ANKRD62: variants seen among roughly 807,000 people sequenced by gnomAD.
ANKRD62 encodes ankyrin repeat domain-containing protein 62.
A neutral mutation model predicts 98.8 loss-of-function variants in ANKRD62; 61 were observed. The ratio of observed to expected loss-of-function variants is 0.62; its 90% confidence interval spans 0.50 to 0.76. The LOEUF is 0.76. Among genes scored for constraint, ANKRD62 ranks in the 30% least tolerant of loss-of-function variants. ANKRD62 has a pLI of 0.00. For synonymous variants in ANKRD62, 341 were observed against 367.9 expected (o/e 0.93, Z 0.84); for missense variants, 933 against 1,082.9 (o/e 0.86, Z 1.94).
chr18:12,138,389 G>T, the ANKRD62 span, among the ~76,000 whole-genome samples: 2 of 152,190 alleles, frequency 1.3e-5, no homozygotes, highest in Non-Finnish European at 2.9e-5. Flanking sequence ...GTTCTAGTTT[G>T]ATTGCACTGT....
chr18:12,153,284 A>G, the ANKRD62 span, among the ~76,000 whole-genome samples: 153 of 152,266 alleles, frequency 1.0e-3, no homozygotes, highest in African/African-American at 3.5e-3. Context: ...TACTAATGAT[A>G]TTCTTTGCAG....
downstream of ANKRD62, among the ~76,000 whole-genome samples, chr18:12,131,575 T>A (rs1910005729): frequency 6.6e-6 from 1 of 152,200 alleles, no homozygotes; most frequent in East Asian, 1.9e-4. Context: ...GCTTGCACGC[T>A]GAAACTGTTC....
chr18:12,153,084 T>C, the ANKRD62 span, among the ~76,000 whole-genome samples: 1 of 152,120 alleles, frequency 6.6e-6, no homozygotes. Flanking sequence ...TATTTAGGAA[T>C]ATAGCTAACA....
At chr18:12,105,746 A>C (rs901003252) in intron 7 of ANKRD62, among the ~76,000 whole-genome samples, 1 of 152,190 alleles carries the variant, frequency 6.6e-6, no homozygotes, top group African/African-American at 2.4e-5. Context: ...GGAGATCAGG[A>C]AAACATTCTA....
intron 8 of ANKRD62, among the ~76,000 whole-genome samples, chr18:12,114,725 T>C (rs1909622918): frequency 4.6e-5 from 7 of 152,172 alleles, no homozygotes. Flanking sequence ...AAATAGGTCT[T>C]AGTACCAGTA....
intron 3 of ANKRD62, 138 bp from the exon 4 acceptor site, chr18:12,096,058 T>C (rs76326621): frequency 1.6e-6 from 1 of 643,454 alleles, no homozygotes; most frequent in Admixed American, 3.0e-5. Flanking sequence ...GCAAGCACAG[T>C]GGAGTGAGAA....
At chr18:12,169,822 A>G in the ANKRD62 span, among the ~76,000 whole-genome samples, 2 of 152,194 alleles carry the variant, frequency 1.3e-5, no homozygotes, top group Non-Finnish European at 1.5e-5. Flanking sequence ...TTATTGGTCT[A>G]TTCAGCAATT....
intron 9 of ANKRD62, 66 bp from the exon 10 acceptor site, chr18:12,115,327 G>A: frequency 7.2e-7 from 1 of 1,397,762 alleles, no homozygotes; most frequent in South Asian, 1.5e-5. Flanking sequence ...ATTCCCACTG[G>A]TGTATATTTA....
In ANKRD62 at chr18:12,107,237, G is replaced by C. The variant is rs1043670294; in HGVS notation, c.892-58G>C. On this transcript the variant is annotated intron_variant, in intron 7 of 13. Coordinates refer to ENST00000587848, the MANE Select transcript of ANKRD62 (RefSeq NM_001277333.2). ...TGATTAAATGAATGAACACAAAAAA[G>C]TTCTTTCTATTGGATAAAATAATGA... The C allele has an allele frequency of 9.4e-6, 12 of 1,269,872 alleles. No homozygotes were observed. The African/African-American group carries it at 1.8e-4, about 19-fold the overall frequency. 78.7% of individuals were successfully genotyped at this position (1,269,872 alleles called of 1,614,324 possible).
chr18:12,145,921 CTTTGTAGGA>C, the ANKRD62 span, among the ~76,000 whole-genome samples: 678 of 152,302 alleles, frequency 4.5e-3, 1 homozygote, highest in Non-Finnish European at 7.1e-3. Flanking sequence ...TTTCTCTTCA[CTTTGTAGGA>C]CCTCCCAAAT....
the ANKRD62 span, among the ~76,000 whole-genome samples, chr18:12,145,224 G>A: frequency 2.0e-5 from 3 of 152,090 alleles, no homozygotes; most frequent in African/African-American, 4.8e-5. Flanking sequence ...AGTCACCCAA[G>A]TGGCAAAGAT....
intron 8 of ANKRD62, 27 bp from the exon 9 acceptor site, chr18:12,115,061 A>G: frequency 7.2e-7 from 1 of 1,385,220 alleles, no homozygotes; most frequent in Non-Finnish European, 9.3e-7. Context: ...TATTTGCCTG[A>G]TTGGAATTTT....
the ANKRD62 span, among the ~76,000 whole-genome samples, chr18:12,167,705 C>T: frequency 3.3e-5 from 5 of 152,232 alleles, no homozygotes; most frequent in African/African-American, 7.2e-5. Context: ...CTTGAGGAAT[C>T]GCCACACCGT....
At chr18:12,099,019 T>G (rs1909243848) in intron 5 of ANKRD62, among the ~76,000 whole-genome samples, 2 of 152,246 alleles carry the variant, frequency 1.3e-5, no homozygotes, top group Admixed American at 6.5e-5. Flanking sequence ...AGTTACAAAC[T>G]GTGAAATAGT....
At chr18:12,102,682 C>T (rs1194531126) in intron 6 of ANKRD62, 10 of 1,013,540 alleles carry the variant, frequency 9.9e-6, no homozygotes, top group South Asian at 3.7e-5. Flanking sequence ...TAGAGGAAGA[C>T]ATTTCAGATA....
chr18:12,110,659 C>T (rs1165637304), intron 8 of ANKRD62, among the ~76,000 whole-genome samples: 3 of 152,248 alleles, frequency 2.0e-5, no homozygotes, highest in South Asian at 4.1e-4. Flanking sequence ...CTGTAATTTT[C>T]ACTCTCACCG....
chr18:12,166,875 A>G, the ANKRD62 span, among the ~76,000 whole-genome samples: 1 of 148,872 alleles, frequency 6.7e-6, no homozygotes, highest in Non-Finnish European at 1.5e-5. Context: ...CCCTCCCCCA[A>G]CCCCCACCCC....
the ANKRD62 span, among the ~76,000 whole-genome samples, chr18:12,172,011 T>C: frequency 6.6e-6 from 1 of 152,226 alleles, no homozygotes; most frequent in Non-Finnish European, 1.5e-5. Context: ...TTCTCTGTGA[T>C]GTTTATTCTA....
At chr18:12,176,644 A>G in the ANKRD62 span, among the ~76,000 whole-genome samples, 2 of 116,416 alleles carry the variant, frequency 1.7e-5, no homozygotes, top group Non-Finnish European at 3.5e-5. Context: ...GCCTACTGCA[A>G]CTTATTCATG....
Sources: allele counts gnomAD v4.1 joint callset (sites outside exome capture counted in the v4.1 genomes callset), GRCh38; gene constraint gnomAD v4.1.1; transcripts MANE v1.5; gene names NCBI Gene and HGNC (gene_info 2026-07-23, HGNC 2026-07-21).